The following PALM2AKAP2 variants were observed in gnomAD, a reference collection of about 807,000 sequenced individuals.
PALM2AKAP2 encodes the protein PALM2 and AKAP2 fusion, also known as PALM2-AKAP2 fusion protein.
A neutral mutation model predicts 71.5 loss-of-function variants in PALM2AKAP2; 37 were observed. The observed-to-expected ratio is 0.52, with a 90% CI of 0.40 to 0.68. The LOEUF is 0.68. PALM2AKAP2 is among the 30% of genes least tolerant of loss of function. The pLI is 0.00. For synonymous variants in PALM2AKAP2, 468 were observed against 478.8 expected (o/e 0.98, Z 0.29); for missense variants, 1,224 against 1,191.8 (o/e 1.03, Z -0.40).
intron 1 of PALM2AKAP2, among the ~76,000 whole-genome samples, chr9:109,753,400 A>G (rs930905738): frequency 3.9e-5 from 6 of 152,140 alleles, no homozygotes; most frequent in African/African-American, 1.4e-4. Context: ...TCAGTTTGCC[A>G]TCTTCTTTTT....
intron 1 of PALM2AKAP2, among the ~76,000 whole-genome samples, chr9:109,772,292 A>G (rs986268221): frequency 6.6e-6 from 1 of 152,164 alleles, no homozygotes; most frequent in African/African-American, 2.4e-5. Flanking sequence ...GTCTTCTTCC[A>G]GGGAACTCCA....
chr9:110,050,084 G>A (rs1039498535), intron 1 of PALM2AKAP2, among the ~76,000 whole-genome samples: 2 of 152,200 alleles, frequency 1.3e-5, no homozygotes, highest in Non-Finnish European at 2.9e-5. Context: ...ACCCTTCCCC[G>A]TAGCAGTTTT....
chr9:109,712,519 T>C (rs1828257697), intron 1 of PALM2AKAP2, among the ~76,000 whole-genome samples: 1 of 152,152 alleles, frequency 6.6e-6, no homozygotes, highest in Non-Finnish European at 1.5e-5. Flanking sequence ...CTGGAAACAG[T>C]TGTTTTGATG....
intron 1 of PALM2AKAP2, among the ~76,000 whole-genome samples, chr9:109,790,458 A>G (rs1017336522): frequency 1.3e-5 from 2 of 152,228 alleles, no homozygotes; most frequent in Non-Finnish European, 2.9e-5. Flanking sequence ...AGAGAAAAAC[A>G]TGCTTGAAAA....
chr9:109,645,925 G>T (rs1827145692), intron 1 of PALM2AKAP2, among the ~76,000 whole-genome samples: 1 of 151,952 alleles, frequency 6.6e-6, no homozygotes, highest in Admixed American at 6.6e-5. Context: ...TTTACAAAAG[G>T]TCTATCTTGG....
At chr9:109,816,040 G>A (rs2131465257) in intron 1 of PALM2AKAP2, among the ~76,000 whole-genome samples, 1 of 152,274 alleles carries the variant, frequency 6.6e-6, no homozygotes, top group African/African-American at 2.4e-5. Flanking sequence ...GCTAAGTATG[G>A]GCTTGTCCTG....
intron 1 of PALM2AKAP2, among the ~76,000 whole-genome samples, chr9:109,740,479 T>C (rs1165007090): frequency 6.6e-6 from 1 of 152,056 alleles, no homozygotes; most frequent in Admixed American, 6.6e-5. Flanking sequence ...GGGGTAACAA[T>C]TTCCAGACAG....
intron 7 of PALM2AKAP2, among the ~76,000 whole-genome samples, chr9:110,036,031 T>C: frequency 6.6e-6 from 1 of 151,946 alleles, no homozygotes; most frequent in Admixed American, 6.6e-5. Context: ...AAGCTCCACC[T>C]CCCGGGTTCA....
At chr9:109,964,676 C>G (rs556510494) in intron 6 of PALM2AKAP2, among the ~76,000 whole-genome samples, 1 of 152,188 alleles carries the variant, frequency 6.6e-6, no homozygotes, top group Non-Finnish European at 1.5e-5. Flanking sequence ...TGAGCTCTTA[C>G]TATACCTCAG....
intron 3 of PALM2AKAP2, among the ~76,000 whole-genome samples, chr9:109,917,154 T>C (rs1036655053): frequency 2.6e-5 from 4 of 151,912 alleles, no homozygotes; most frequent in African/African-American, 9.7e-5. Context: ...GATGCAACAG[T>C]GCTGGTTTTG....
At chr9:109,804,515 TC>T (rs1365900643) in intron 1 of PALM2AKAP2, among the ~76,000 whole-genome samples, 1 of 152,204 alleles carries the variant, frequency 6.6e-6, no homozygotes, top group Non-Finnish European at 1.5e-5. Flanking sequence ...TGACAATCAT[TC>T]TTTTTGCGGT....
chr9:109,958,130 T>C (rs555520190), intron 6 of PALM2AKAP2, among the ~76,000 whole-genome samples: 3 of 150,320 alleles, frequency 2.0e-5, no homozygotes, highest in Non-Finnish European at 4.4e-5. Flanking sequence ...AGAAATATAT[T>C]TGAGGCAGTT....
At chr9:110,041,841 A>G (rs1468734586) in intron 7 of PALM2AKAP2, among the ~76,000 whole-genome samples, 2 of 152,336 alleles carry the variant, frequency 1.3e-5, no homozygotes, top group East Asian at 3.9e-4. Context: ...ATCAGATGGA[A>G]AGCTTAAGCA....
intron 1 of PALM2AKAP2, among the ~76,000 whole-genome samples, chr9:109,734,954 A>G (rs1382375675): frequency 6.6e-6 from 1 of 151,988 alleles, no homozygotes; most frequent in Non-Finnish European, 1.5e-5. Context: ...CTTGTCAAAC[A>G]TATTTACATT....
At chr9:110,013,660 A>C (rs1832923228) in intron 6 of PALM2AKAP2, among the ~76,000 whole-genome samples, 1 of 152,266 alleles carries the variant, frequency 6.6e-6, no homozygotes, top group Non-Finnish European at 1.5e-5. Flanking sequence ...CATGAATTGA[A>C]TTATAGCCAA....
chr9:109,843,330 A>G (rs891844227), intron 1 of PALM2AKAP2, among the ~76,000 whole-genome samples: 1 of 150,448 alleles, frequency 6.6e-6, no homozygotes, highest in South Asian at 2.1e-4. Flanking sequence ...AAAAAGAAGA[A>G]GACTTTTTGA....
At chr9:109,977,187 C>A (rs1354052433) in intron 6 of PALM2AKAP2, among the ~76,000 whole-genome samples, 3 of 152,176 alleles carry the variant, frequency 2.0e-5, no homozygotes, top group Admixed American at 1.3e-4. Flanking sequence ...TCAGCAACAG[C>A]AATAGTACTG....
intron 6 of PALM2AKAP2, among the ~76,000 whole-genome samples, chr9:110,003,013 T>C (rs1427690248): frequency 6.6e-6 from 1 of 152,242 alleles, no homozygotes; most frequent in Non-Finnish European, 1.5e-5. Context: ...TTGAAGGGTT[T>C]TTTGTGTCTC....
intron 1 of PALM2AKAP2, among the ~76,000 whole-genome samples, chr9:109,852,154 A>C (rs2131629197): frequency 6.6e-6 from 1 of 152,246 alleles, no homozygotes; most frequent in Non-Finnish European, 1.5e-5. Flanking sequence ...GATTTGTTAC[A>C]TGAGTATATT....
Sources: gnomAD v4.1 joint callset for allele counts (sites outside exome capture counted in the v4.1 genomes callset) on GRCh38, gnomAD v4.1.1 for gene constraint, MANE v1.5 for transcripts, NCBI Gene and HGNC (gene_info 2026-07-23, HGNC 2026-07-21) for gene names.